KIF1C: variants seen among roughly 807,000 people sequenced by gnomAD.
The protein encoded by KIF1C is kinesin-like protein KIF1C.
In KIF1C, 61 loss-of-function variants were observed where a neutral mutation model predicts 126.5. That is an observed-to-expected ratio of 0.48 (90% confidence interval 0.39 to 0.60). KIF1C has a LOEUF of 0.60. Among genes scored for constraint, KIF1C ranks in the 20% least tolerant of loss-of-function variants. KIF1C has a pLI of 0.00. For synonymous variants in KIF1C, 640 were observed against 580.6 expected, an observed-to-expected ratio of 1.10 and a Z score of -1.47; for missense variants, 1,315 against 1,489.2, an observed-to-expected ratio of 0.88 and a Z score of 1.93.
intron 1 of KIF1C, 74 bp from the exon 2 acceptor site, chr17:4,999,776 C>A (rs917318771): frequency 1.2e-5 from 2 of 172,890 alleles, no homozygotes; most frequent in Non-Finnish European, 2.5e-5. Flanking sequence ...GTAACCTTGG[C>A]CCTCCAACCT....
intron 18 of KIF1C, among the ~76,000 whole-genome samples, chr17:5,018,705 A>G (rs1975029672): frequency 6.7e-6 from 1 of 148,652 alleles, no homozygotes; most frequent in Non-Finnish European, 1.5e-5. Flanking sequence ...CTCCATCTCA[A>G]AAAAAAAAAA....
chr17:5,002,702 G>A (rs188640586), intron 7 of KIF1C, 29 bp from the exon 8 acceptor site: 2 of 1,613,130 alleles, frequency 1.2e-6, no homozygotes, highest in East Asian at 2.2e-5. Flanking sequence ...TGAGAGGCAG[G>A]ATCCAGTGAC....
rs773884974 is a variant in KIF1C at position 5,023,594 on chromosome 17, T to G, written c.2755T>G (p.Ser919Ala). ...PSARPPSPPL[S>A]SWERVSRLME... ...AGCCCGGCCCCCCTCGCCACCACTG[T>G]CAAGCTGGGAGCGGGTGTCACGGCT... The change falls in exon 23 of 23, where the codon TCA becomes GCA. Residue 919 changes from serine (S) to alanine (A), a missense_variant. Physicochemically the swap from Ser to Ala is moderately conservative, Grantham distance 99. This residue lies in a region of KIF1C where 441 missense variants were observed against 436.1 expected (regional missense o/e 1.01). Coordinates refer to ENST00000320785, the MANE Select transcript of KIF1C (RefSeq NM_006612.6). This position sits in a 1 kb window ranked among gnomAD's most constrained non-coding sequence, Gnocchi z 4.2. 6.2e-7 allele frequency: 1 copy of G among 1,613,660 alleles called. No homozygotes were observed. The highest frequency in any genetic ancestry group is 8.5e-7 in the Non-Finnish European group (1 of 1,179,902).
Position 5,022,738 on chromosome 17 carries a change from T to G in KIF1C, c.2628+29T>G. 1.3e-6 allele frequency: 2 copies of G among 1,492,624 alleles called. No homozygotes were observed. The highest frequency in any genetic ancestry group is 8.9e-7 in the Non-Finnish European group (1 of 1,126,134). 92.5% of individuals were successfully genotyped at this position (1,492,624 alleles called of 1,614,324 possible). A position where few individuals can be genotyped will look rare whatever the true frequency, so the allele number is the denominator to read the frequency against. On this transcript the variant is annotated intron_variant, in intron 22 of 22. Transcript: ENST00000320785. This position sits in a 1 kb window ranked among gnomAD's most constrained non-coding sequence, Gnocchi z 4.9. ...GGACTGGCCTTCTGCCTCCCTTCTC[T>G]CCTCCCTCGGCTCTTCACTTTAGGA... is the stretch of plus-strand genomic sequence containing the variant.
rs1227568064 is a variant in KIF1C at position 5,006,901 on chromosome 17, T to C, written c.1166-14T>C. 1.2e-6 allele frequency: 2 copies of C among 1,611,870 alleles called. No homozygotes were observed. Among genetic ancestry groups the C allele is most frequent in the Non-Finnish European group, 1.7e-6 (2 of 1,179,464 alleles). The stretch of plus-strand genomic sequence containing the variant: ...TTCCTTAGCCTCATTCTTTTTCCTC[T>C]TTCTCCCTCCCAGGCCTGAAGACGG... On this transcript the variant is annotated splice_polypyrimidine_tract_variant and intron_variant, in intron 13 of 22. Coordinates refer to ENST00000320785, the MANE Select transcript of KIF1C (RefSeq NM_006612.6).
chr17:5,009,160 C>G (rs1974803287), intron 16 of KIF1C, among the ~76,000 whole-genome samples: 1 of 150,626 alleles, frequency 6.6e-6, no homozygotes. Flanking sequence ...TAAGTTTCCC[C>G]TCAGAGGCAG....
Position 5,023,558 on chromosome 17 carries a change from C to T in KIF1C, c.2719C>T (p.Arg907Cys), listed in dbSNP as rs758990694. ...AGCAGAGGAGGCAGCCCCCAGTGACCGCATGCCGTCAGCCCGGCCCCCCTC... is the reference window on the plus strand; with the variant it reads ...AGCAGAGGAGGCAGCCCCCAGTGACTGCATGCCGTCAGCCCGGCCCCCCTC... ...EAAEEAAPSD[R>C]MPSARPPSPP... is the part of the protein sequence containing the mutation. Residue 907 changes from arginine to cysteine, a missense_variant, in exon 23 of 23, where the codon CGC becomes TGC. Transcript: ENST00000320785. This position sits in a 1 kb window ranked among gnomAD's most constrained non-coding sequence, Gnocchi z 4.2. 49 of 1,613,588 alleles carry T rather than the reference C, an allele frequency of 3.0e-5. No homozygotes were observed. Among genetic ancestry groups the T allele is most frequent in the African/African-American group, 8.0e-5 (6 of 74,992 alleles).
chr17:5,007,394 G>C, intron 15 of KIF1C, 52 bp downstream of exon 15: 3 of 1,609,414 alleles, frequency 1.9e-6, no homozygotes, highest in Non-Finnish European at 2.6e-6. Flanking sequence ...CCATGGGGGA[G>C]GTCAGGCCCC....
Position 5,001,255 on chromosome 17 carries a change from G to T in KIF1C, c.217G>T (p.Val73Leu), listed in dbSNP as rs1376160688. The T allele has an allele frequency of 6.2e-7, 1 of 1,614,056 alleles. No individual in the cohort carries two copies. Among genetic ancestry groups the T allele is most frequent in the African/African-American group, 1.3e-5 (1 of 74,934 alleles). ...EDPQFASQQQ[V>L]YRDIGEEMLL... ...CCCCCAGTTTGCATCTCAGCAGCAAGTGTATCGGGACATTGGAGAAGAGAT... is the reference window on the plus strand; with the variant it reads ...CCCCCAGTTTGCATCTCAGCAGCAATTGTATCGGGACATTGGAGAAGAGAT... The change falls in exon 5 of 23, where the codon GTG (valine) becomes TTG (leucine). Residue 73 changes from valine (V) to leucine (L), a missense_variant. Val to Leu is a conservative substitution (Grantham distance 32). Transcript: ENST00000320785.
In KIF1C at chr17:5,022,380, G is replaced by A. The variant is rs118037269; in HGVS notation, c.2299G>A (p.Gly767Arg). 2.6e-3 allele frequency: 4,114 copies of A among 1,581,322 alleles called. 8 individuals carry two copies. The highest frequency in any genetic ancestry group is 3.3e-3 in the Non-Finnish European group (3,789 of 1,162,698). Residue 767 changes from glycine to arginine, a missense_variant, in exon 22 of 23, where the codon GGG becomes AGG. Coordinates refer to ENST00000320785, the MANE Select transcript of KIF1C (RefSeq NM_006612.6). This position sits in a 1 kb window ranked among gnomAD's most constrained non-coding sequence, Gnocchi z 4.9. ...YEVALADFRH[G>R]RAEIEALAAL... ...GGTGGCCCTGGCTGACTTCCGCCAC[G>A]GGCGGGCTGAGATTGAGGCCCTGGC...
chr17:5,021,799 A>G (rs1975095566), intron 21 of KIF1C, among the ~76,000 whole-genome samples: 1 of 151,892 alleles, frequency 6.6e-6, no homozygotes, highest in African/African-American at 2.4e-5. Flanking sequence ...TAAGTCTTGC[A>G]CAAAGTTCCA....
chr17:5,024,277 A>C lies in KIF1C; in HGVS notation c.*126A>C. On this transcript the variant is annotated 3_prime_UTR_variant, in exon 23 of 23. Coordinates refer to ENST00000320785, the MANE Select transcript of KIF1C (RefSeq NM_006612.6). The stretch of plus-strand genomic sequence containing the variant: ...AGGAGATGAGAGAGAAGGTCCGAGT[A>C]GGTGATAGAAGACAAGGGGGAGACC... 1 of 690,576 alleles carries C rather than the reference A, an allele frequency of 1.4e-6. No homozygotes were observed. The highest frequency in any genetic ancestry group is 2.4e-6 in the Non-Finnish European group (1 of 413,818). The allele number at this position is 690,576 out of a possible 1,614,324, so 42.8% of individuals were successfully genotyped here.
At position 5,014,826 on chromosome 17, in the gene KIF1C, C is replaced by G. The variant is rs757438747; in HGVS notation, c.1655C>G (p.Pro552Arg). The G allele has an allele frequency of 1.2e-5, 19 of 1,592,602 alleles. No individual in the cohort carries two copies. The South Asian group carries it at 2.0e-4, about 16-fold the overall frequency. The change falls in exon 18 of 23, where the codon CCA (proline) becomes CGA (arginine). Residue 552 changes from proline (P) to arginine (R), a missense_variant. By Grantham distance (103) the Pro-to-Arg change is moderately radical (BLOSUM62 -2). Transcript: ENST00000320785. ...QHCLFRSIPQ[P>R]DGEVVVTLEP... ...TGTCTGTTCCGGAGCATCCCCCAGC[C>G]AGATGGAGAAGGTAATGGCTGAGGG...
At position 5,002,653 on chromosome 17, in the gene KIF1C, C is replaced by A. The variant is rs778633543; in HGVS notation, c.608+11C>A. The A allele has an allele frequency of 1.9e-6, 3 of 1,611,372 alleles. No homozygotes were observed. On this transcript the variant is annotated intron_variant, in intron 7 of 22. Transcript: ENST00000320785. ...TGGAAATAAAGCACGGTGAGGCAGG[C>A]TGATGGAGCAGAGGGCAAGGGGGCC... is the stretch of plus-strand genomic sequence containing the variant.
intron 8 of KIF1C, 80 bp downstream of exon 8, chr17:5,002,922 T>A (rs1974637226): frequency 1.6e-5 from 19 of 1,166,066 alleles, no homozygotes. Flanking sequence ...TAGAAGGGTC[T>A]TGGGCCCTCC....
At position 5,023,542 on chromosome 17, in the gene KIF1C, G is replaced by A; in HGVS notation, c.2703G>A (p.Glu901=). Residue 901 remains glutamate (E), a synonymous_variant, in exon 23 of 23, where the codon GAG becomes GAA. Transcript: ENST00000320785. The surrounding 1 kb of genome is among the most constrained non-coding windows in gnomAD (Gnocchi z 4.2). ...APPEGSEAAE[E]AAPSDRMPSA... Reference sequence around the variant, plus strand: ...CTGAAGGATCAGAGGCAGCAGAGGAGGCAGCCCCCAGTGACCGCATGCCGT... The same window carrying A: ...CTGAAGGATCAGAGGCAGCAGAGGAAGCAGCCCCCAGTGACCGCATGCCGT... 6.2e-7 allele frequency: 1 copy of A among 1,613,946 alleles called. No individual in the cohort carries two copies.
chr17:5,012,807 G>A (rs1357220830), intron 16 of KIF1C, among the ~76,000 whole-genome samples: 2 of 152,192 alleles, frequency 1.3e-5, no homozygotes, highest in African/African-American at 4.8e-5. Flanking sequence ...AGCGTCGCCT[G>A]TACGCCATCC....
chr17:4,999,963 G>A lies in KIF1C; in HGVS notation c.-35G>A, dbSNP rs952847985. 2.3e-6 allele frequency: 1 copy of A among 438,314 alleles called. No individual in the cohort carries two copies. Among genetic ancestry groups the A allele is most frequent in the Non-Finnish European group, 4.2e-6 (1 of 237,776 alleles). 27.2% of individuals were successfully genotyped at this position (438,314 alleles called of 1,614,324 possible). A position where few individuals can be genotyped will look rare whatever the true frequency, so the allele number is the denominator to read the frequency against. ...TACAGCCCCCCTGGTCTGGGGCCAG[G>A]ACGCCAGGTAACTGGGGGAGACCGC... On this transcript the variant is annotated 5_prime_UTR_variant, in exon 2 of 23. Transcript: ENST00000320785.
chr17:5,004,175 G>A (rs932814145), intron 11 of KIF1C, 102 bp downstream of exon 11: 7 of 895,576 alleles, frequency 7.8e-6, no homozygotes, highest in Non-Finnish European at 1.1e-5. Context: ...CCCAAATCCC[G>A]TTGTCTTACT....
Sources: gnomAD v4.1 joint callset for allele counts (sites outside exome capture counted in the v4.1 genomes callset) on GRCh38, gnomAD v4.1.1 for gene constraint, gnomAD v4.1.1 regional missense constraint, Gnocchi (gnomAD v3.1) non-coding constraint, MANE v1.5 for transcripts, NCBI Gene and HGNC (gene_info 2026-07-23, HGNC 2026-07-21) for gene names.